APBB1: variants seen among roughly 807,000 people sequenced by gnomAD.
The protein encoded by APBB1 is adaptor protein FE65a2.
A neutral mutation model predicts 78.4 loss-of-function variants in APBB1; 22 were observed. That is an observed-to-expected ratio of 0.28 (90% CI 0.20 to 0.40). The LOEUF (loss-of-function observed/expected upper bound fraction) is 0.40. Ranked by LOEUF, APBB1 falls within the 10% of genes least tolerant of loss-of-function variation. The probability of loss-of-function intolerance (pLI) is 1.00; values close to 1 mark genes in which losing one functional copy is unlikely to be tolerated. For synonymous variants in APBB1, 369 were observed against 372.7 expected, an observed-to-expected ratio of 0.99 and a Z score of 0.12; for missense variants, 749 against 932.4, an observed-to-expected ratio of 0.80 and a Z score of 2.56.
Position 6,395,126 on chromosome 11 carries a change from C to T in APBB1, c.*408G>A, listed in dbSNP as rs1848135095. On this transcript the variant is annotated 3_prime_UTR_variant, in exon 15 of 15. Transcript: ENST00000609360. The surrounding 1 kb of genome is among the most constrained non-coding windows in gnomAD (Gnocchi z 5.2). ...GGTACAGGCATAAGAAGGCACACAG[C>T]AGTGCAGACAGACTTTATTAGTGAT... The T allele has an allele frequency of 4.4e-6, 1 of 228,358 alleles. No individual in the cohort carries two copies. 14.1% of individuals were successfully genotyped at this position (228,358 alleles called of 1,614,324 possible). A position where few individuals can be genotyped will look rare whatever the true frequency, so the allele number is the denominator to read the frequency against.
rs368471947 is a variant in APBB1 at position 6,401,300 on chromosome 11, T to C, written c.1588+45A>G. 1 of 1,614,006 alleles carries C rather than the reference T, an allele frequency of 6.2e-7. No homozygotes were observed. Among genetic ancestry groups the C allele is most frequent in the African/African-American group, 1.3e-5 (1 of 74,914 alleles). On this transcript the variant is annotated intron_variant, in intron 11 of 14. Transcript: ENST00000609360. The surrounding 1 kb of genome is among the most constrained non-coding windows in gnomAD (Gnocchi z 4.5). Reference sequence around the variant, plus strand: ...ATGCCTTTCCTTGGGTCACCCACCTTTGCCAACAAAGCTGAGCTGGACCTG... The same window carrying C: ...ATGCCTTTCCTTGGGTCACCCACCTCTGCCAACAAAGCTGAGCTGGACCTG...
chr11:6,401,889 G>T lies in APBB1; in HGVS notation c.1388+88C>A. On this transcript the variant is annotated intron_variant, in intron 9 of 14. Coordinates refer to ENST00000609360, the MANE Select transcript of APBB1 (RefSeq NM_001164.5). The surrounding 1 kb of genome is among the most constrained non-coding windows in gnomAD (Gnocchi z 4.5). Reference sequence around the variant, plus strand: ...GTGGAGGGTAATGGTGGAGCATAGCGGGTGGGAAGGGGCAGGGCAGAAGAG... The same window carrying T: ...GTGGAGGGTAATGGTGGAGCATAGCTGGTGGGAAGGGGCAGGGCAGAAGAG... 2 of 1,521,610 alleles carry T rather than the reference G, an allele frequency of 1.3e-6. No individual in the cohort carries two copies. The highest frequency in any genetic ancestry group is 1.2e-5 in the South Asian group (1 of 82,962). The allele number at this position is 1,521,610 out of a possible 1,614,324, so 94.3% of individuals were successfully genotyped here.
At chr11:6,410,566 G>A (rs925319921) in intron 2 of APBB1, 61 bp downstream of exon 2, 10 of 1,433,526 alleles carry the variant, frequency 7.0e-6, no homozygotes, top group South Asian at 3.0e-5. Flanking sequence ...GCCTCTGTAT[G>A]AGAGTCCTAA....
At chr11:6,418,022 A>G (rs952257677) in intron 1 of APBB1, among the ~76,000 whole-genome samples, 5 of 152,236 alleles carry the variant, frequency 3.3e-5, no homozygotes, top group African/African-American at 1.2e-4. Context: ...ATTAGCATAT[A>G]TATGAAATTT....
chr11:6,396,558 G>A (rs1285891230), intron 12 of APBB1: 2 of 288,470 alleles, frequency 6.9e-6, no homozygotes, highest in African/African-American at 2.3e-5. Flanking sequence ...ACATCACATT[G>A]CTTCACACCA....
rs1848634362 is a variant in APBB1 at position 6,403,397 on chromosome 11, G to C, written c.962C>G (p.Pro321Arg). ...CAGCTCCATTGGGGCCTCATCACTGGGTTCATCCTTGGGAAGGGGATTGAG... is the reference window on the plus strand; with the variant it reads ...CAGCTCCATTGGGGCCTCATCACTGCGTTCATCCTTGGGAAGGGGATTGAG... ...FEDGEFWKDE[P>R]SDEAPMELGL... Residue 321 changes from proline (P) to arginine (R), a missense_variant, in exon 5 of 15, where the codon CCC (proline) becomes CGC (arginine). Physicochemically the swap from Pro to Arg is moderately radical, Grantham distance 103 (BLOSUM62 -2). Coordinates refer to ENST00000609360, the MANE Select transcript of APBB1 (RefSeq NM_001164.5). The surrounding 1 kb of genome is among the most constrained non-coding windows in gnomAD (Gnocchi z 5.3). 1 of 1,614,072 alleles carries C rather than the reference G, an allele frequency of 6.2e-7. No individual in the cohort carries two copies. Among genetic ancestry groups the C allele is most frequent in the Non-Finnish European group, 8.5e-7 (1 of 1,179,980 alleles).
At chr11:6,416,187 A>G (rs1849113410) in intron 1 of APBB1, among the ~76,000 whole-genome samples, 1 of 151,786 alleles carries the variant, frequency 6.6e-6, no homozygotes, top group Admixed American at 6.6e-5. Context: ...CCACACTCTC[A>G]TCTCCACACT....
intron 2 of APBB1, among the ~76,000 whole-genome samples, chr11:6,405,968 A>C (rs997107976): frequency 6.6e-6 from 1 of 152,166 alleles, no homozygotes; most frequent in African/African-American, 2.4e-5. Flanking sequence ...GGACCAGTTC[A>C]CCATCTCCTG....
chr11:6,408,740 G>A (rs1295054576), intron 2 of APBB1, among the ~76,000 whole-genome samples: 1 of 152,058 alleles, frequency 6.6e-6, no homozygotes, highest in Non-Finnish European at 1.5e-5. Flanking sequence ...CTGACCTCAC[G>A]TGATCCACCT....
chr11:6,418,441 G>C (rs1447525403), intron 1 of APBB1, among the ~76,000 whole-genome samples: 1 of 152,234 alleles, frequency 6.6e-6, no homozygotes, highest in East Asian at 1.9e-4. Flanking sequence ...GGCTCAGAAT[G>C]CAAGAGATAC....
chr11:6,410,295 A>T (rs752473350), intron 2 of APBB1, among the ~76,000 whole-genome samples: 3 of 152,168 alleles, frequency 2.0e-5, no homozygotes, highest in African/African-American at 7.2e-5. Context: ...TATGGGAATC[A>T]TCATAATATT....
At position 6,410,808 on chromosome 11, in the gene APBB1, A is replaced by C; in HGVS notation, c.540T>G (p.Pro180=). Reference sequence around the variant, plus strand: ...GGGCCTCCACACTCTCCAGGGGCTCAGGCAGCCCTGGGGGAGAAGATAAGT... The same window carrying C: ...GGGCCTCCACACTCTCCAGGGGCTCCGGCAGCCCTGGGGGAGAAGATAAGT... ...EEDLSSPPGL[P]EPLESVEAPP... The change falls in exon 2 of 15, where the codon CCT becomes CCG. Residue 180 remains proline (P), a synonymous_variant. Coordinates refer to ENST00000609360, the MANE Select transcript of APBB1 (RefSeq NM_001164.5). 6 of 1,613,320 alleles carry C rather than the reference A, an allele frequency of 3.7e-6. No individual in the cohort carries two copies. The highest frequency in any genetic ancestry group is 4.2e-6 in the Non-Finnish European group (5 of 1,179,498).
chr11:6,400,572 A>G (rs1848451464), intron 12 of APBB1, among the ~76,000 whole-genome samples: 1 of 151,620 alleles, frequency 6.6e-6, no homozygotes, highest in Admixed American at 6.6e-5. Context: ...TCTTTGCAAC[A>G]ATGAAGTATG....
intron 1 of APBB1, among the ~76,000 whole-genome samples, chr11:6,416,026 C>T (rs1374927135): frequency 6.6e-6 from 1 of 152,130 alleles, no homozygotes; most frequent in Non-Finnish European, 1.5e-5. Context: ...TCCAAACCTG[C>T]TTCCACTCCC....
chr11:6,417,823 T>C (rs1159882662), intron 1 of APBB1, among the ~76,000 whole-genome samples: 4 of 152,224 alleles, frequency 2.6e-5, no homozygotes, highest in Admixed American at 6.5e-5. Flanking sequence ...CAAAGAGCCA[T>C]TTTTGAGATT....
In APBB1 at chr11:6,401,399, A is replaced by T; in HGVS notation, c.1534T>A (p.Leu512Met). 1 of 1,614,092 alleles carries T rather than the reference A, an allele frequency of 6.2e-7. No homozygotes were observed. Among genetic ancestry groups the T allele is most frequent in the Non-Finnish European group, 8.5e-7 (1 of 1,180,012 alleles). Residue 512 changes from leucine to methionine, a missense_variant, in exon 11 of 15, where the codon TTG becomes ATG. Coordinates refer to ENST00000609360, the MANE Select transcript of APBB1 (RefSeq NM_001164.5). The surrounding 1 kb of genome is among the most constrained non-coding windows in gnomAD (Gnocchi z 4.5). ...TGGTCCAGGGAGAGTCCATTTACCA[A>T]GCAGCGGGCATTACGCCGTTCGGCC... ...IMAERRNARC[L>M]VNGLSLDHSK...
intron 7 of APBB1, 84 bp downstream of exon 7, chr11:6,402,492 T>C (rs1848575766): frequency 1.4e-6 from 2 of 1,433,758 alleles, no homozygotes; most frequent in Admixed American, 3.4e-5. Flanking sequence ...CCAGCCTGCT[T>C]GTGGGCAGGT....
Position 6,411,381 on chromosome 11 carries a change from G to T in APBB1, c.-14-20C>A. On this transcript the variant is annotated intron_variant, in intron 1 of 14. Transcript: ENST00000609360. The surrounding 1 kb of genome is among the most constrained non-coding windows in gnomAD (Gnocchi z 5.2). ...CAGCTCCTGTGGGGTGCGGAGGGGA[G>T]ATGCTGTTGAGCCTCTGGTCCAGAA... 17 of 1,514,838 alleles carry T rather than the reference G, an allele frequency of 1.1e-5. No homozygotes were observed. Among genetic ancestry groups the T allele is most frequent in the Non-Finnish European group, 1.5e-5 (17 of 1,133,348 alleles). The allele number at this position is 1,514,838 out of a possible 1,614,324, so 93.8% of individuals were successfully genotyped here.
Position 6,410,765 on chromosome 11 carries a change from G to A in APBB1, c.583C>T (p.Leu195Phe). 6.3e-7 allele frequency: 1 copy of A among 1,593,226 alleles called. No individual in the cohort carries two copies. Among genetic ancestry groups the A allele is most frequent in the Admixed American group, 1.7e-5 (1 of 57,918 alleles). Reference sequence around the variant, plus strand: ...CTGTGTTCCCGGGGGCCATCTGTAAGGGCTTGGGGCCTGGGAGGGGCCTCC... The same window carrying A: ...CTGTGTTCCCGGGGGCCATCTGTAAAGGCTTGGGGCCTGGGAGGGGCCTCC... ...SVEAPPRPQA[L>F]TDGPREHSKS... The change falls in exon 2 of 15, where the codon CTT (leucine) becomes TTT (phenylalanine). Residue 195 changes from leucine to phenylalanine, a missense_variant. Around this residue, in one of 3 missense-constraint regions of APBB1, gnomAD observed 635 missense variants for 765.0 expected, o/e 0.83. Coordinates refer to ENST00000609360, the MANE Select transcript of APBB1 (RefSeq NM_001164.5).
Sources: gnomAD v4.1 joint callset for allele counts (sites outside exome capture counted in the v4.1 genomes callset) on GRCh38, gnomAD v4.1.1 for gene constraint, gnomAD v4.1.1 regional missense constraint, Gnocchi (gnomAD v3.1) non-coding constraint, MANE v1.5 for transcripts, NCBI Gene and HGNC (gene_info 2026-07-23, HGNC 2026-07-21) for gene names.